PARD3: variants seen among roughly 807,000 people sequenced by gnomAD.
PARD3 encodes the protein partitioning defective 3 homolog.
A neutral mutation model predicts 155.4 loss-of-function variants in PARD3; 75 were observed. The ratio of observed to expected loss-of-function variants is 0.48; its 90% confidence interval spans 0.40 to 0.58. The LOEUF (loss-of-function observed/expected upper bound fraction) is 0.58. PARD3 is among the 20% of genes least tolerant of loss of function. PARD3 has a pLI of 0.00. For synonymous variants in PARD3, 576 were observed against 610.5 expected (o/e 0.94, Z 0.83); for missense variants, 1,642 against 1,721.7 (o/e 0.95, Z 0.82).
chr10:34,468,513 A>G (rs1017988597), intron 4 of PARD3, among the ~76,000 whole-genome samples: 2 of 152,236 alleles, frequency 1.3e-5, no homozygotes, highest in Non-Finnish European at 2.9e-5. Context: ...ATTAACTGCC[A>G]TGAGACCCAC....
At chr10:34,518,085 G>A (rs1229982216) in intron 2 of PARD3, among the ~76,000 whole-genome samples, 1 of 151,978 alleles carries the variant, frequency 6.6e-6, no homozygotes, top group Non-Finnish European at 1.5e-5. Context: ...CATCATATTG[G>A]CCAGGCCAGT....
At chr10:34,538,396 C>T (rs1409017809) in intron 2 of PARD3, among the ~76,000 whole-genome samples, 3 of 152,206 alleles carry the variant, frequency 2.0e-5, no homozygotes, top group Non-Finnish European at 4.4e-5. Flanking sequence ...GATACATTCG[C>T]TGATAAACAG....
chr10:34,516,459 C>G (rs1209995972), intron 3 of PARD3, among the ~76,000 whole-genome samples: 1 of 152,182 alleles, frequency 6.6e-6, no homozygotes, highest in Non-Finnish European at 1.5e-5. Flanking sequence ...TCCTAGGATT[C>G]CTCATATAGG....
chr10:34,190,727 G>A (rs1950668088), intron 22 of PARD3, among the ~76,000 whole-genome samples: 1 of 152,138 alleles, frequency 6.6e-6, no homozygotes, highest in Non-Finnish European at 1.5e-5. Context: ...CCAGAGGCCG[G>A]GAATGCAACA....
At chr10:34,465,084 T>C (rs1298084404) in intron 4 of PARD3, among the ~76,000 whole-genome samples, 1 of 152,218 alleles carries the variant, frequency 6.6e-6, no homozygotes, top group African/African-American at 2.4e-5. Flanking sequence ...AAATGCTTTG[T>C]GTAAATAGTT....
chr10:34,182,519 T>A (rs1228466024), intron 22 of PARD3, among the ~76,000 whole-genome samples: 1 of 152,174 alleles, frequency 6.6e-6, no homozygotes, highest in Non-Finnish European at 1.5e-5. Flanking sequence ...TACAGGTTTA[T>A]TGTGCAAATT....
At chr10:34,294,993 G>C (rs1385064373) in intron 20 of PARD3, among the ~76,000 whole-genome samples, 1 of 152,108 alleles carries the variant, frequency 6.6e-6, no homozygotes, top group East Asian at 1.9e-4. Flanking sequence ...CCTTAGGACA[G>C]GAGTTCAAGA....
At chr10:34,640,890 G>A (rs1195676010) in intron 2 of PARD3, among the ~76,000 whole-genome samples, 7 of 152,084 alleles carry the variant, frequency 4.6e-5, no homozygotes, top group African/African-American at 1.4e-4. Context: ...AAAAGGGACA[G>A]GGAGGGAGGG....
intron 2 of PARD3, among the ~76,000 whole-genome samples, chr10:34,658,529 G>GGGCTGA (rs1040937566): frequency 7.2e-5 from 11 of 152,154 alleles, no homozygotes; most frequent in Admixed American, 1.3e-4. Context: ...CTGGGGGCTG[G>GGGCTGA]GGCTGAGGCT....
At chr10:34,491,650 T>G (rs1318550320) in intron 3 of PARD3, among the ~76,000 whole-genome samples, 1 of 152,238 alleles carries the variant, frequency 6.6e-6, no homozygotes, top group Non-Finnish European at 1.5e-5. Context: ...ACAGGAAGTT[T>G]CAATAATAAT....
At chr10:34,455,635 C>CAA (rs2077294800) in intron 4 of PARD3, among the ~76,000 whole-genome samples, 1 of 151,968 alleles carries the variant, frequency 6.6e-6, no homozygotes, top group Non-Finnish European at 1.5e-5. Context: ...CTCACACACA[C>CAA]AAAACGCAGG....
intron 5 of PARD3, among the ~76,000 whole-genome samples, chr10:34,416,052 A>G (rs1845642872): frequency 1.3e-5 from 2 of 152,164 alleles, no homozygotes; most frequent in Non-Finnish European, 2.9e-5. Flanking sequence ...CAGAGTAGTT[A>G]GGTAATCCAT....
intron 22 of PARD3, among the ~76,000 whole-genome samples, chr10:34,135,901 T>G (rs995442494): frequency 6.6e-6 from 1 of 152,160 alleles, no homozygotes; most frequent in Non-Finnish European, 1.5e-5. Context: ...TGGACAACAC[T>G]CTGAAGATAA....
chr10:34,119,342 C>T (rs902918925), intron 24 of PARD3, among the ~76,000 whole-genome samples: 1 of 152,216 alleles, frequency 6.6e-6, no homozygotes, highest in Non-Finnish European at 1.5e-5. Flanking sequence ...AGAGCCAATA[C>T]TAAGAAGCCA....
chr10:34,429,679 G>A (rs1464387428), intron 5 of PARD3, among the ~76,000 whole-genome samples: 5 of 151,974 alleles, frequency 3.3e-5, no homozygotes, highest in Admixed American at 6.6e-5. Context: ...TCCGCCTCCC[G>A]GGTTCAAGCA....
intron 22 of PARD3, among the ~76,000 whole-genome samples, chr10:34,168,438 GAGTGATGCCAACAT>G (rs1478583476): frequency 6.6e-6 from 1 of 152,136 alleles, no homozygotes; most frequent in Non-Finnish European, 1.5e-5. Context: ...GCCTGTTGAT[GAGTGATGCCAACAT>G]GTCTTGCCAA....
chr10:34,371,704 A>C (rs544311606), intron 12 of PARD3, among the ~76,000 whole-genome samples: 1 of 152,014 alleles, frequency 6.6e-6, no homozygotes, highest in African/African-American at 2.4e-5. Context: ...TATGGAAATG[A>C]CTTTGCTAAA....
In PARD3 at chr10:34,772,193, C is replaced by T. The variant is rs561495469; in HGVS notation, c.120+42683G>A. Among the ~76,000 whole-genome samples the T allele has an allele frequency of 1.3e-3, 194 of 152,092 alleles. 1 individual carries two copies. The Middle Eastern group carries it at 0.014, about 11-fold the overall frequency. On this transcript the variant is annotated intron_variant, in intron 1 of 24. Coordinates refer to ENST00000374788, the MANE Select transcript of PARD3 (RefSeq NM_001184785.2). ...ATCCCCGGACTTTGGGAGGCTGAGGCGGGTGGATCACTTGAGCTCAGGAGT... is the reference window on the plus strand; with the variant it reads ...ATCCCCGGACTTTGGGAGGCTGAGGTGGGTGGATCACTTGAGCTCAGGAGT...
chr10:34,635,172 A>T (rs1226559739), intron 2 of PARD3, among the ~76,000 whole-genome samples: 1 of 152,268 alleles, frequency 6.6e-6, no homozygotes, highest in African/African-American at 2.4e-5. Context: ...CGACGTGTTC[A>T]AGCTCCATGG....
Sources: gnomAD v4.1 joint callset for allele counts (sites outside exome capture counted in the v4.1 genomes callset) on GRCh38, gnomAD v4.1.1 for gene constraint, MANE v1.5 for transcripts, NCBI Gene and HGNC (gene_info 2026-07-23, HGNC 2026-07-21) for gene names.